B3GALNT2: variants seen among roughly 807,000 people sequenced by gnomAD.
The protein encoded by B3GALNT2 is UDP-GalNAc:beta-1,3-N-acetylgalactosaminyltransferase 2.
B3GALNT2 carries 53 observed loss-of-function variants against 61.1 expected under a neutral mutation model. The observed-to-expected ratio is 0.87, with a 90% confidence interval of 0.70 to 1.09. The LOEUF (loss-of-function observed/expected upper bound fraction) is 1.09, where lower values mean the gene tolerates loss of function less well. B3GALNT2 is among the 50% of genes least tolerant of loss of function. The pLI is 0.00. For synonymous variants in B3GALNT2, 223 were observed against 237.4 expected, an observed-to-expected ratio of 0.94 and a Z score of 0.56; for missense variants, 544 against 623.0, an observed-to-expected ratio of 0.87 and a Z score of 1.35.
At chr1:235,465,541 T>C (rs900679734) in intron 7 of B3GALNT2, 95 bp downstream of exon 7, 3 of 1,526,248 alleles carry the variant, frequency 2.0e-6, no homozygotes, top group Non-Finnish European at 2.6e-6. Context: ...TAAAGTTTTT[T>C]AAAAGACAAA....
the B3GALNT2 span, chr1:235,441,375 G>A: frequency 2.7e-5 from 7 of 257,798 alleles, no homozygotes; most frequent in Non-Finnish European, 3.7e-5. Flanking sequence ...CCTGTGGATC[G>A]TGTCTCAGGT....
chr1:235,494,469 T>TA (rs1234871847), intron 2 of B3GALNT2, among the ~76,000 whole-genome samples: 1 of 151,720 alleles, frequency 6.6e-6, no homozygotes, highest in Non-Finnish European at 1.5e-5. Flanking sequence ...TTTTTTTTTT[T>TA]AAATTAGGCA....
intron 10 of B3GALNT2, 40 bp from the exon 11 acceptor site, chr1:235,453,186 T>C: frequency 6.4e-7 from 1 of 1,557,486 alleles, no homozygotes; most frequent in Non-Finnish European, 8.9e-7. Flanking sequence ...AAAATTTTAA[T>C]GCTATTTTAT....
intron 2 of B3GALNT2, among the ~76,000 whole-genome samples, chr1:235,493,998 A>C (rs920148293): frequency 6.6e-6 from 1 of 152,070 alleles, no homozygotes; most frequent in Non-Finnish European, 1.5e-5. Flanking sequence ...CTAACTAATA[A>C]CTGAGAGCTA....
chr1:235,456,176 CTT>C (rs1019346731), intron 8 of B3GALNT2, among the ~76,000 whole-genome samples: 40 of 152,330 alleles, frequency 2.6e-4, no homozygotes, highest in African/African-American at 9.1e-4. Flanking sequence ...AAAAACCTGA[CTT>C]ATTACATTGA....
At chr1:235,496,586 C>T (rs1685334674) in intron 1 of B3GALNT2, among the ~76,000 whole-genome samples, 1 of 150,228 alleles carries the variant, frequency 6.7e-6, no homozygotes, top group African/African-American at 2.5e-5. Context: ...ACTCTGTGGC[C>T]CAGTCTGGAG....
At chr1:235,459,160 A>C (rs1368869298) in intron 7 of B3GALNT2, among the ~76,000 whole-genome samples, 1 of 151,914 alleles carries the variant, frequency 6.6e-6, no homozygotes, top group Non-Finnish European at 1.5e-5. Flanking sequence ...AAAAAAAAAC[A>C]GCCAAGTTGT....
At chr1:235,440,379 C>G in the B3GALNT2 span, among the ~76,000 whole-genome samples, 1 of 151,998 alleles carries the variant, frequency 6.6e-6, no homozygotes. Context: ...CAGTTTATGT[C>G]TGAGGCATCC....
At chr1:235,446,928 G>A (rs989741667), downstream of B3GALNT2, among the ~76,000 whole-genome samples, 1 of 152,062 alleles carries the variant, frequency 6.6e-6, no homozygotes, top group Non-Finnish European at 1.5e-5. Context: ...TGATCCCTCT[G>A]CCTCCCAAAG....
Position 235,458,789 on chromosome 1 carries a change from A to C in B3GALNT2, c.842-3T>G, listed in dbSNP as rs1247622470. The C allele has an allele frequency of 6.4e-7, 1 of 1,573,168 alleles. No homozygotes were observed. The highest frequency in any genetic ancestry group is 8.6e-7 in the Non-Finnish European group (1 of 1,162,862). ...GTTGTGTAAGAGAGCATCACCTTCT[A>C]TAAAGGAAAAGTTGAGAGTTGGAGA... On this transcript the variant is annotated splice_region_variant and splice_polypyrimidine_tract_variant and intron_variant, in intron 7 of 11. Coordinates refer to ENST00000366600, the MANE Select transcript of B3GALNT2 (RefSeq NM_152490.5).
chr1:235,442,962 G>T (rs1681996664), downstream of B3GALNT2: 5 of 1,582,844 alleles, frequency 3.2e-6, no homozygotes, highest in Non-Finnish European at 4.3e-6. Flanking sequence ...ATCGGCCTAG[G>T]TATGAGTCAG....
intron 9 of B3GALNT2, among the ~76,000 whole-genome samples, chr1:235,455,324 A>G (rs563323388): frequency 6.6e-6 from 1 of 152,148 alleles, no homozygotes; most frequent in East Asian, 1.9e-4. Context: ...TGCCCAGGCT[A>G]GTTTTGAACT....
chr1:235,484,429 G>C lies in B3GALNT2; in HGVS notation c.448C>G (p.Arg150Gly). The C allele has an allele frequency of 6.2e-7, 1 of 1,614,164 alleles. No individual in the cohort carries two copies. Among genetic ancestry groups the C allele is most frequent in the South Asian group, 1.1e-5 (1 of 91,084 alleles). The change falls in exon 4 of 12, where the codon CGA becomes GGA. Residue 150 changes from arginine to glycine, a missense_variant. By Grantham distance (125) the Arg-to-Gly change is moderately radical (BLOSUM62 -2). Transcript: ENST00000366600. ...PEDRVVSVSF[R>G]VLYPIVITSL... is the part of the protein sequence containing the mutation. Reference sequence around the variant, plus strand: ...GTAATAACGATGGGGTAGAGAACTCGGAAACTCACGCTGACAACTCGATCC... The same window carrying C: ...GTAATAACGATGGGGTAGAGAACTCCGAAACTCACGCTGACAACTCGATCC...
intron 3 of B3GALNT2, chr1:235,484,795 G>A (rs1684723873): frequency 1.3e-5 from 4 of 319,650 alleles, no homozygotes; most frequent in South Asian, 8.8e-5. Context: ...ATGTATAAAC[G>A]CCACAGGAGA....
chr1:235,492,963 T>C (rs1685148603), intron 2 of B3GALNT2, among the ~76,000 whole-genome samples: 1 of 152,216 alleles, frequency 6.6e-6, no homozygotes, highest in Non-Finnish European at 1.5e-5. Flanking sequence ...AGTTTCACTC[T>C]GAGCAAGAAA....
At chr1:235,472,291 G>GC (rs1158686103) in intron 5 of B3GALNT2, among the ~76,000 whole-genome samples, 1 of 151,876 alleles carries the variant, frequency 6.6e-6, no homozygotes, top group Non-Finnish European at 1.5e-5. Flanking sequence ...AGAGAGCTAT[G>GC]CCCCCCTGTC....
At chr1:235,494,363 A>C (rs776826159) in intron 2 of B3GALNT2, among the ~76,000 whole-genome samples, 11 of 152,180 alleles carry the variant, frequency 7.2e-5, no homozygotes, top group Non-Finnish European at 1.5e-4. Flanking sequence ...GGCCCAAACT[A>C]TATGGAAGAA....
chr1:235,459,917 C>T (rs1236020888), intron 7 of B3GALNT2, among the ~76,000 whole-genome samples: 1 of 152,064 alleles, frequency 6.6e-6, no homozygotes, highest in African/African-American at 2.4e-5. Flanking sequence ...CCTCAGCCTC[C>T]CGAGTAGCTG....
intron 7 of B3GALNT2, chr1:235,464,793 T>C (rs764794941): frequency 6.6e-6 from 1 of 151,948 alleles, no homozygotes; most frequent in Non-Finnish European, 1.5e-5. Context: ...AAGGAAGATA[T>C]ACAAATGGCC....
Sources: allele counts gnomAD v4.1 joint callset (sites outside exome capture counted in the v4.1 genomes callset), GRCh38; gene constraint gnomAD v4.1.1; transcripts MANE v1.5; gene names NCBI Gene and HGNC (gene_info 2026-07-23, HGNC 2026-07-21).